ARHGAP6: variants seen among roughly 807,000 people sequenced by gnomAD.
ARHGAP6 encodes rho GTPase-activating protein 6.
Under a neutral mutation model 55.7 loss-of-function variants are expected in ARHGAP6, and 16 were observed. That is an observed-to-expected ratio of 0.29 (90% CI 0.19 to 0.44). The LOEUF (loss-of-function observed/expected upper bound fraction) is 0.44, where lower values mean the gene tolerates loss of function less well. Among genes scored for constraint, ARHGAP6 ranks in the 20% least tolerant of loss-of-function variants. The pLI is 1.00. For synonymous variants in ARHGAP6, 382 were observed against 360.9 expected (o/e 1.06, Z -0.66); for missense variants, 698 against 808.9 (o/e 0.86, Z 1.66).
intron 1 of ARHGAP6, among the ~76,000 whole-genome samples, chrX:11,259,059 G>A (rs1338355572): frequency 9.0e-6 from 1 of 111,464 alleles, no homozygotes; most frequent in Non-Finnish European, 1.9e-5. Flanking sequence ...ACCCTGTTGT[G>A]CTATCAAATG....
chrX:11,399,965 C>A (rs2049527623), intron 1 of ARHGAP6, among the ~76,000 whole-genome samples: 1 of 111,684 alleles, frequency 9.0e-6, no homozygotes, highest in Non-Finnish European at 1.9e-5. Context: ...TGAAAGGAGA[C>A]AGTTACAAAA....
intron 1 of ARHGAP6, among the ~76,000 whole-genome samples, chrX:11,342,970 C>T (rs1180548212): frequency 1.8e-5 from 2 of 111,928 alleles, no homozygotes; most frequent in Non-Finnish European, 3.8e-5. Flanking sequence ...GCTTCAGATT[C>T]CATACTTGAA....
intron 1 of ARHGAP6, among the ~76,000 whole-genome samples, chrX:11,286,817 C>G (rs1285496744): frequency 1.8e-5 from 2 of 111,860 alleles, no homozygotes; most frequent in Non-Finnish European, 3.8e-5. Context: ...ATTTTCCAAC[C>G]ATATGTTGTA....
At chrX:11,158,905 G>A (rs2045902001) in intron 9 of ARHGAP6, among the ~76,000 whole-genome samples, 1 of 112,248 alleles carries the variant, frequency 8.9e-6, no homozygotes, top group Non-Finnish European at 1.9e-5. Context: ...ATGGAAAGAC[G>A]GGCATTAAAC....
At chrX:11,501,574 C>A (rs1471341743) in intron 1 of ARHGAP6, among the ~76,000 whole-genome samples, 1 of 111,546 alleles carries the variant, frequency 9.0e-6, no homozygotes, top group Non-Finnish European at 1.9e-5. Flanking sequence ...AGTCAAAAAT[C>A]TGTGTATAAC....
chrX:11,348,763 C>T (rs1263542870), intron 1 of ARHGAP6, among the ~76,000 whole-genome samples: 1 of 111,258 alleles, frequency 9.0e-6, no homozygotes, highest in Non-Finnish European at 1.9e-5. Context: ...GATTCTCCCG[C>T]CTCAGCCTCC....
At chrX:11,339,283 C>T (rs1402149397) in intron 1 of ARHGAP6, among the ~76,000 whole-genome samples, 2 of 111,853 alleles carry the variant, frequency 1.8e-5, no homozygotes, top group Non-Finnish European at 1.9e-5. Context: ...TTCTACCACA[C>T]CGACTTTTAT....
chrX:11,394,591 G>C (rs184374177), intron 1 of ARHGAP6, among the ~76,000 whole-genome samples: 2 of 111,903 alleles, frequency 1.8e-5, no homozygotes, highest in African/African-American at 6.5e-5. Flanking sequence ...GAAATTACTT[G>C]CAAGTGAAGG....
intron 1 of ARHGAP6, among the ~76,000 whole-genome samples, chrX:11,486,004 T>C: frequency 8.9e-6 from 1 of 112,214 alleles, no homozygotes; most frequent in East Asian, 2.8e-4. Context: ...AAGCTGATTT[T>C]GATCTCAGTA....
chrX:11,353,105 A>C (rs964229743), intron 1 of ARHGAP6, among the ~76,000 whole-genome samples: 3 of 111,846 alleles, frequency 2.7e-5, no homozygotes, highest in African/African-American at 9.7e-5. Flanking sequence ...GTAAGCATGC[A>C]CATCTGTGTT....
At chrX:11,308,957 A>C (rs2048266365) in intron 1 of ARHGAP6, among the ~76,000 whole-genome samples, 1 of 112,033 alleles carries the variant, frequency 8.9e-6, no homozygotes, top group South Asian at 3.8e-4. Context: ...GCCTGGTTTG[A>C]AGACTCTGAA....
intron 1 of ARHGAP6, among the ~76,000 whole-genome samples, chrX:11,300,353 C>A (rs1052643387): frequency 9.0e-6 from 1 of 111,170 alleles, no homozygotes; most frequent in African/African-American, 3.3e-5. Context: ...GCAAGACGTA[C>A]CCCCCAAAAA....
chrX:11,327,164 T>C (rs759629055), intron 1 of ARHGAP6, among the ~76,000 whole-genome samples: 19 of 112,360 alleles, frequency 1.7e-4, no homozygotes, highest in African/African-American at 5.8e-4. Context: ...CAAGATATTC[T>C]TTAGATTACA....
At chrX:11,607,609 A>T (rs187421287) in intron 1 of ARHGAP6, among the ~76,000 whole-genome samples, 1 of 112,600 alleles carries the variant, frequency 8.9e-6, no homozygotes, top group African/African-American at 3.2e-5. Flanking sequence ...ATCTGAGGTT[A>T]TGTTCAGGGT....
intron 1 of ARHGAP6, among the ~76,000 whole-genome samples, chrX:11,595,948 A>T (rs1417362909): frequency 8.9e-6 from 1 of 112,274 alleles, no homozygotes; most frequent in African/African-American, 3.2e-5. Context: ...ATGTGGAGAA[A>T]TAGGGACACT....
At chrX:11,388,660 T>G in intron 1 of ARHGAP6, among the ~76,000 whole-genome samples, 2 of 111,606 alleles carry the variant, frequency 1.8e-5, no homozygotes, top group Admixed American at 1.9e-4. Context: ...AATGCCTAGG[T>G]TTTCTTCTAG....
chrX:11,519,167 G>T (rs1390329809), intron 1 of ARHGAP6, among the ~76,000 whole-genome samples: 1 of 97,621 alleles, frequency 1.0e-5, no homozygotes, highest in Non-Finnish European at 2.0e-5. Context: ...GGATGGCTGG[G>T]TCAAATGGTA....
At chrX:11,543,696 T>C (rs950209251) in intron 1 of ARHGAP6, among the ~76,000 whole-genome samples, 2 of 112,065 alleles carry the variant, frequency 1.8e-5, no homozygotes, top group African/African-American at 6.5e-5. Flanking sequence ...ACAAGTGACA[T>C]TGCCACTAGA....
chrX:11,337,291 C>T (rs752054782), intron 1 of ARHGAP6, among the ~76,000 whole-genome samples: 7 of 111,351 alleles, frequency 6.3e-5, no homozygotes, highest in Admixed American at 9.6e-5. Context: ...ATATATAATA[C>T]GTCACCTAGC....
Sources: allele counts gnomAD v4.1 joint callset (sites outside exome capture counted in the v4.1 genomes callset), GRCh38; gene constraint gnomAD v4.1.1; transcripts MANE v1.5; gene names NCBI Gene and HGNC (gene_info 2026-07-23, HGNC 2026-07-21).